Variants in SMAD4 observed in about 807,000 individuals in gnomAD.
SMAD4 encodes MAD homolog 4.
In SMAD4, 7 loss-of-function variants were observed where a neutral mutation model predicts 63.2. The ratio of observed to expected loss-of-function variants is 0.11; its 90% CI spans 0.06 to 0.21. The LOEUF is 0.21. Ranked by LOEUF, SMAD4 falls within the 10% of genes least tolerant of loss-of-function variation. The pLI, the probability that SMAD4 is intolerant of heterozygous loss-of-function variation, is 1.00. For missense variants in SMAD4, 312 were observed against 693.8 expected, an observed-to-expected ratio of 0.45 and a Z score of 6.18; for synonymous variants, 215 against 235.4, an observed-to-expected ratio of 0.91 and a Z score of 0.79.
In SMAD4 at chr18:51,083,996, G is replaced by C. The variant is rs1283544789; in HGVS notation, c.*5529G>C. ...GGGCTGCAATAAACACTTAACGCGC[G>C]TGCGCACGCGCGCGCGCACACACAC... is the stretch of plus-strand genomic sequence containing the variant. On this transcript the variant is annotated 3_prime_UTR_variant, in exon 12 of 12. Transcript: ENST00000342988. The C allele has an allele frequency of 6.6e-6, 1 of 152,320 alleles. No homozygotes were observed. The highest frequency in any genetic ancestry group is 7.5e-5 in the East Asian group (1 of 13,394). The allele number at this position is 152,320 out of a possible 1,614,324, so 9.4% of individuals were successfully genotyped here.
intron 1 of SMAD4, among the ~76,000 whole-genome samples, chr18:51,034,155 T>C (rs1236561485): frequency 1.3e-5 from 2 of 152,186 alleles, no homozygotes; most frequent in African/African-American, 2.4e-5. Flanking sequence ...TTTTTATTGC[T>C]TTTTTACTCC....
rs927849645 is a variant in SMAD4 at position 51,067,981 on chromosome 18, G to T, written c.1308+794G>T. Reference sequence around the variant, plus strand: ...CTGTTTTTGAAAGAGAAAGGCAGTTGTAATTAGATAGCCTAAATATATTTT... The same window carrying T: ...CTGTTTTTGAAAGAGAAAGGCAGTTTTAATTAGATAGCCTAAATATATTTT... On this transcript the variant is annotated intron_variant, in intron 10 of 11. Coordinates refer to ENST00000342988, the MANE Select transcript of SMAD4 (RefSeq NM_005359.6). Among the ~76,000 whole-genome samples the T allele has an allele frequency of 3.9e-5, 6 of 152,158 alleles. No homozygotes were observed. In the South Asian group the frequency reaches 1.0e-3, roughly 26 times the overall value.
At chr18:51,078,226 C>T in intron 11 of SMAD4, 30 bp from the exon 12 acceptor site, 1 of 1,572,346 alleles carries the variant, frequency 6.4e-7, no homozygotes, top group Non-Finnish European at 8.8e-7. Flanking sequence ...CACCCTGTCC[C>T]TCTGATGTCT....
rs1273113785 is a variant in SMAD4, at chr18:51,083,841, C to T, written c.*5374C>T. The T allele has an allele frequency of 4.3e-6, 1 of 231,040 alleles. No individual in the cohort carries two copies. The highest frequency in any genetic ancestry group is 8.6e-6 in the Non-Finnish European group (1 of 116,810). The allele number at this position is 231,040 out of a possible 1,614,324, so 14.3% of individuals were successfully genotyped here. On this transcript the variant is annotated 3_prime_UTR_variant, in exon 12 of 12. Coordinates refer to ENST00000342988, the MANE Select transcript of SMAD4 (RefSeq NM_005359.6). ...ATCTTTGTTCTGCTGTTTGAGGGGG[C>T]TTTTTACTTATTTCCATGTTATTCA...
chr18:51,070,429 A>G (rs957712218), intron 10 of SMAD4, among the ~76,000 whole-genome samples: 6 of 152,216 alleles, frequency 3.9e-5, no homozygotes, highest in African/African-American at 1.4e-4. Flanking sequence ...ACCTTGTTGG[A>G]CAAGATATTT....
At chr18:51,047,670 G>T (rs373373792) in intron 2 of SMAD4, among the ~76,000 whole-genome samples, 69 of 151,202 alleles carry the variant, frequency 4.6e-4, no homozygotes, top group African/African-American at 1.6e-3. Context: ...GTACAGTGGC[G>T]TGATCTTGGC....
At position 51,084,358 on chromosome 18, in the gene SMAD4, CT is replaced by C; in HGVS notation, c.*5894del. On this transcript the variant is annotated 3_prime_UTR_variant, in exon 12 of 12. Transcript: ENST00000342988. ...AACAATACCAGTAGATGATTATTAACTTTATTCTTGGCTCTTTTTAGGTCCA... is the reference window on the plus strand; with the variant it reads ...AACAATACCAGTAGATGATTATTAACTTATTCTTGGCTCTTTTTAGGTCCA... The C allele has an allele frequency of 4.4e-6, 1 of 229,752 alleles. No homozygotes were observed. Among genetic ancestry groups the C allele is most frequent in the Non-Finnish European group, 8.6e-6 (1 of 115,898 alleles). The allele number at this position is 229,752 out of a possible 1,614,324, so 14.2% of individuals were successfully genotyped here. A position where few individuals can be genotyped will look rare whatever the true frequency, so the allele number is the denominator to read the frequency against.
intron 10 of SMAD4, among the ~76,000 whole-genome samples, chr18:51,068,468 C>T (rs191974671): frequency 2.1e-4 from 32 of 152,174 alleles, no homozygotes; most frequent in African/African-American, 4.8e-4. Context: ...AACATAATCG[C>T]GGTGCTATTT....
At position 51,047,231 on chromosome 18, in the gene SMAD4, C is replaced by T. The variant is rs1316987372; in HGVS notation, c.185C>T (p.Thr62Ile). The change falls in exon 2 of 12, where the codon ACT (threonine) becomes ATT (isoleucine). Residue 62 changes from threonine (T) to isoleucine (I), a missense_variant. By Grantham distance (89) the Thr-to-Ile change is moderately conservative. Around this residue, in one of 4 missense-constraint regions of SMAD4, gnomAD observed 37 missense variants for 87.3 expected, o/e 0.42. Transcript: ENST00000342988. ...DELDSLITAITTNGAHPSKCV... is the reference protein window; with the variant it reads ...DELDSLITAIITNGAHPSKCV... Reference sequence around the variant, plus strand: ...TTGGATTCTTTAATAACAGCTATAACTACAAATGGAGCTCATCCTAGTAAA... The same window carrying T: ...TTGGATTCTTTAATAACAGCTATAATTACAAATGGAGCTCATCCTAGTAAA... The T allele has an allele frequency of 6.2e-7, 1 of 1,613,274 alleles. No individual in the cohort carries two copies. Among genetic ancestry groups the T allele is most frequent in the Non-Finnish European group, 8.5e-7 (1 of 1,179,346 alleles).
intron 1 of SMAD4, among the ~76,000 whole-genome samples, chr18:51,032,810 T>C (rs1299302456): frequency 2.6e-5 from 4 of 152,178 alleles, no homozygotes; most frequent in Non-Finnish European, 5.9e-5. Flanking sequence ...ATATTTAAAC[T>C]GCATATTTCG....
chr18:51,078,576 A>T lies in SMAD4; in HGVS notation c.*109A>T. On this transcript the variant is annotated 3_prime_UTR_variant, in exon 12 of 12. Coordinates refer to ENST00000342988, the MANE Select transcript of SMAD4 (RefSeq NM_005359.6). Reference sequence around the variant, plus strand: ...CACTTTTGTTCTGCTTTATCTTTTCATAAAGGGTTGAAAATGTGTTTGCTG... The same window carrying T: ...CACTTTTGTTCTGCTTTATCTTTTCTTAAAGGGTTGAAAATGTGTTTGCTG... The T allele has an allele frequency of 1.2e-6, 1 of 844,766 alleles. No individual in the cohort carries two copies. The highest frequency in any genetic ancestry group is 2.5e-5 in the Admixed American group (1 of 39,938). 52.3% of individuals were successfully genotyped at this position (844,766 alleles called of 1,614,324 possible). A position where few individuals can be genotyped will look rare whatever the true frequency, so the allele number is the denominator to read the frequency against.
intron 4 of SMAD4, chr18:51,050,974 T>C (rs937577298): frequency 1.3e-5 from 2 of 155,296 alleles, no homozygotes; most frequent in Middle Eastern, 3.3e-3. Flanking sequence ...TGCTTTAAGA[T>C]TGGTGAAAAC....
At position 51,079,158 on chromosome 18, in the gene SMAD4, T is replaced by C. The variant is rs984985256; in HGVS notation, c.*691T>C. 8.6e-6 allele frequency: 2 copies of C among 232,830 alleles called. No individual in the cohort carries two copies. The highest frequency in any genetic ancestry group is 1.7e-5 in the Non-Finnish European group (2 of 117,878). The allele number at this position is 232,830 out of a possible 1,614,324, so 14.4% of individuals were successfully genotyped here. On this transcript the variant is annotated 3_prime_UTR_variant, in exon 12 of 12. Coordinates refer to ENST00000342988, the MANE Select transcript of SMAD4 (RefSeq NM_005359.6). ...CTTAAAATTACCAGACAAAAAAATTTAAAATTACGTTTGTTATTCCTAGTG... is the reference window on the plus strand; with the variant it reads ...CTTAAAATTACCAGACAAAAAAATTCAAAATTACGTTTGTTATTCCTAGTG...
At chr18:51,077,718 CTAT>C (rs1367884888) in intron 11 of SMAD4, among the ~76,000 whole-genome samples, 1 of 152,098 alleles carries the variant, frequency 6.6e-6, no homozygotes, top group African/African-American at 2.4e-5. Flanking sequence ...GAATCCAGAA[CTAT>C]TATTAAGTTT....
intron 8 of SMAD4, among the ~76,000 whole-genome samples, chr18:51,060,958 C>T (rs1029565611): frequency 2.0e-5 from 3 of 151,398 alleles, no homozygotes; most frequent in East Asian, 1.9e-4. Flanking sequence ...AGGCTGGTTT[C>T]GAACTCCTAG....
In SMAD4 at chr18:51,063,071, C is replaced by G. The variant is rs549968471; in HGVS notation, c.956-2352C>G. On this transcript the variant is annotated intron_variant, in intron 8 of 11. Transcript: ENST00000342988. ...GTTTCACTATGTTGGTCAGGCTGGTCTCGAACTCCTGACCTCTTGATCTGC... is the reference window on the plus strand; with the variant it reads ...GTTTCACTATGTTGGTCAGGCTGGTGTCGAACTCCTGACCTCTTGATCTGC... 1.1e-4 allele frequency among the ~76,000 whole-genome samples: 16 copies of G among 151,670 alleles called. No homozygotes were observed. In the South Asian group the frequency reaches 2.7e-3, roughly 26 times the overall value.
intron 2 of SMAD4, among the ~76,000 whole-genome samples, chr18:51,048,395 C>T (rs1414626606): frequency 6.6e-6 from 1 of 152,096 alleles, no homozygotes; most frequent in Non-Finnish European, 1.5e-5. Context: ...TGGGCTCAAG[C>T]GATCCTCCTG....
Position 51,073,382 on chromosome 18 carries a change from TATATATAC to T in SMAD4, c.1309-3254_1309-3247del, listed in dbSNP as rs1430432536. ...AACATTATATATATATATATATATA[TATATATAC>T]ACACACACACACACACACACACACA... On this transcript the variant is annotated intron_variant, in intron 10 of 11. Coordinates refer to ENST00000342988, the MANE Select transcript of SMAD4 (RefSeq NM_005359.6). Among the ~76,000 whole-genome samples the T allele has an allele frequency of 6.8e-3, 602 of 88,048 alleles. 4 individuals carry two copies. The highest frequency in any genetic ancestry group is 0.031 in the East Asian group (81 of 2,592). The allele number at this position is 88,048 out of a possible 152,430, so 57.8% of individuals were successfully genotyped here.
chr18:51,030,948 T>C (rs1909030415), intron 1 of SMAD4, among the ~76,000 whole-genome samples: 1 of 152,196 alleles, frequency 6.6e-6, no homozygotes, highest in Non-Finnish European at 1.5e-5. Context: ...TCGCCCCGGC[T>C]GAGCGCGTTG....
Sources: allele counts gnomAD v4.1 joint callset (sites outside exome capture counted in the v4.1 genomes callset), GRCh38; gene constraint gnomAD v4.1.1; regional missense constraint gnomAD v4.1.1; transcripts MANE v1.5; gene names NCBI Gene and HGNC (gene_info 2026-07-23, HGNC 2026-07-21).